Variants in ANKFY1 observed in about 807,000 individuals in gnomAD.
ANKFY1 encodes the protein ankyrin repeat and FYVE domain-containing protein 1.
Under a neutral mutation model 128.3 loss-of-function variants are expected in ANKFY1, and 47 were observed. That is an observed-to-expected ratio of 0.37 (90% CI 0.29 to 0.47). The LOEUF (loss-of-function observed/expected upper bound fraction) is 0.47. Ranked by LOEUF, ANKFY1 falls within the 20% of genes least tolerant of loss-of-function variation. ANKFY1 has a pLI of 1.00. For missense variants in ANKFY1, 1,222 were observed against 1,510.6 expected, an observed-to-expected ratio of 0.81 and a Z score of 3.17; for synonymous variants, 553 against 601.6, an observed-to-expected ratio of 0.92 and a Z score of 1.18.
intron 3 of ANKFY1, among the ~76,000 whole-genome samples, chr17:4,228,923 A>G (rs1297639366): frequency 6.6e-6 from 1 of 152,198 alleles, no homozygotes; most frequent in Non-Finnish European, 1.5e-5. Flanking sequence ...TAGGGTTCAA[A>G]TCCCGGCTCC....
At position 4,184,823 on chromosome 17, in the gene ANKFY1, T is replaced by A; in HGVS notation, c.1694A>T (p.Gln565Leu). The change falls in exon 12 of 25, where the codon CAG (glutamine) becomes CTG (leucine). Residue 565 changes from glutamine to leucine, a missense_variant. Gln to Leu is a moderately radical substitution (Grantham distance 113). Coordinates refer to ENST00000341657, the MANE Select transcript of ANKFY1 (RefSeq NM_001330063.2). ...HPDVVSVILE[Q>L]KANALHATNN... The stretch of plus-strand genomic sequence containing the variant: ...CAGTATTCCCACTTACTTACCTTTC[T>A]GCTCCAGGATGACAGACACCACATC... The A allele has an allele frequency of 6.2e-7, 1 of 1,612,950 alleles. No homozygotes were observed. Among genetic ancestry groups the A allele is most frequent in the Non-Finnish European group, 8.5e-7 (1 of 1,179,966 alleles).
chr17:4,231,115 C>T (rs1037655410), intron 3 of ANKFY1, among the ~76,000 whole-genome samples: 1 of 152,208 alleles, frequency 6.6e-6, no homozygotes, highest in Non-Finnish European at 1.5e-5. Context: ...TTGAGAAACA[C>T]TCTGGCTGAT....
chr17:4,214,096 C>A (rs191239576), intron 4 of ANKFY1, among the ~76,000 whole-genome samples: 1 of 152,210 alleles, frequency 6.6e-6, no homozygotes, highest in Non-Finnish European at 1.5e-5. Context: ...CAGCCTAATA[C>A]ACAGTATGAT....
In ANKFY1 at chr17:4,239,402, C is replaced by T. The variant is rs1263465384; in HGVS notation, c.203+2854G>A. Among the ~76,000 whole-genome samples, 4 of 152,210 alleles carry T rather than the reference C, an allele frequency of 2.6e-5. No individual in the cohort carries two copies. The East Asian group carries it at 7.7e-4, about 29-fold the overall frequency. On this transcript the variant is annotated intron_variant, in intron 2 of 24. Transcript: ENST00000341657. ...GATTATATTTCACAAGAAGCTACAT[C>T]TATTCAATTTATGGAACTATCCTTT... is the stretch of plus-strand genomic sequence containing the variant.
At chr17:4,187,383 C>T (rs1389908550) in intron 11 of ANKFY1, 8 of 397,330 alleles carry the variant, frequency 2.0e-5, no homozygotes, top group South Asian at 2.7e-4. Context: ...CTGGACTCCA[C>T]GGCACACCCA....
intron 3 of ANKFY1, chr17:4,222,675 T>C (rs993214179): frequency 2.3e-6 from 2 of 868,068 alleles, no homozygotes; most frequent in Non-Finnish European, 4.0e-6. Flanking sequence ...AAAATGGCCC[T>C]GACACGCAGC....
In ANKFY1 at chr17:4,181,804, A is replaced by G. The variant is rs771942445; in HGVS notation, c.2121+377T>C. On this transcript the variant is annotated intron_variant, in intron 15 of 24. Coordinates refer to ENST00000341657, the MANE Select transcript of ANKFY1 (RefSeq NM_001330063.2). This position sits in a 1 kb window ranked among gnomAD's most constrained non-coding sequence, Gnocchi z 4.9. Reference sequence around the variant, plus strand: ...AGGCCCTTCGGAGAGCTGAATGAGAATGTGCAGGTTTGCCTCCACTTTTGG... The same window carrying G: ...AGGCCCTTCGGAGAGCTGAATGAGAGTGTGCAGGTTTGCCTCCACTTTTGG... Among the ~76,000 whole-genome samples the G allele has an allele frequency of 1.3e-5, 2 of 152,220 alleles. No homozygotes were observed. Among genetic ancestry groups the G allele is most frequent in the Non-Finnish European group, 2.9e-5 (2 of 68,036 alleles).
At chr17:4,199,136 G>C (rs576715878) in intron 7 of ANKFY1, among the ~76,000 whole-genome samples, 15 of 152,304 alleles carry the variant, frequency 9.8e-5, no homozygotes, top group African/African-American at 3.6e-4. Flanking sequence ...CTCTAGCCTG[G>C]GTGACAGAGA....
In ANKFY1 at chr17:4,202,238, C is replaced by CA. The variant is rs111971493; in HGVS notation, c.898+4082dup. 3.5e-3 allele frequency among the ~76,000 whole-genome samples: 533 copies of CA among 151,234 alleles called. 3 individuals are homozygous for CA. The highest frequency in any genetic ancestry group is 0.012 in the African/African-American group (510 of 41,096). ...GCCAACATGGCAAACCCAATCGCTA[C>CA]AAAAATAGAAAAATTAGCCAAGCGT... On this transcript the variant is annotated intron_variant, in intron 7 of 24. Coordinates refer to ENST00000341657, the MANE Select transcript of ANKFY1 (RefSeq NM_001330063.2).
At chr17:4,195,576 A>C in intron 8 of ANKFY1, 105 bp from the exon 9 acceptor site, 1 of 835,154 alleles carries the variant, frequency 1.2e-6, no homozygotes, top group Non-Finnish European at 2.0e-6. Flanking sequence ...CCCGCAAGAA[A>C]TCCCACATTT....
intron 5 of ANKFY1, among the ~76,000 whole-genome samples, chr17:4,208,689 C>A (rs957555734): frequency 2.0e-5 from 3 of 152,176 alleles, no homozygotes; most frequent in African/African-American, 4.8e-5. Context: ...GAATACCAAA[C>A]AATTCGCAGA....
intron 20 of ANKFY1, 127 bp from the exon 21 acceptor site, chr17:4,173,571 G>C (rs1164763193): frequency 1.2e-6 from 1 of 865,562 alleles, no homozygotes; most frequent in Admixed American, 2.0e-5. Flanking sequence ...CACGCACAGA[G>C]CCATCCTTTC....
rs2059633237 is a variant in ANKFY1, at chr17:4,187,522, C to A, written c.1470+1860G>T. ...ACACAGCGGAAGCCAGTGTTCCAGG[C>A]CCTTCTGCAGTGCTGGTCTCCAGTG... is the stretch of plus-strand genomic sequence containing the variant. On this transcript the variant is annotated intron_variant, in intron 11 of 24. Transcript: ENST00000341657. 5 of 366,396 alleles carry A rather than the reference C, an allele frequency of 1.4e-5. No individual in the cohort carries two copies. The East Asian group carries it at 1.6e-4, about 12-fold the overall frequency. 22.7% of individuals were successfully genotyped at this position (366,396 alleles called of 1,614,324 possible).
rs2059454206 is a variant in ANKFY1, at chr17:4,178,772, C to T, written c.2598+85G>A. ...AAACAAAGCTCTTTCCATGAGGAGA[C>T]CTGTTTAGTCGGTGACATCTGTCTA... On this transcript the variant is annotated intron_variant, in intron 18 of 24. Coordinates refer to ENST00000341657, the MANE Select transcript of ANKFY1 (RefSeq NM_001330063.2). The surrounding 1 kb of genome is among the most constrained non-coding windows in gnomAD (Gnocchi z 4.1). 3.8e-6 allele frequency: 5 copies of T among 1,320,626 alleles called. No individual in the cohort carries two copies. Among genetic ancestry groups the T allele is most frequent in the Non-Finnish European group, 5.4e-6 (5 of 929,254 alleles). The allele number at this position is 1,320,626 out of a possible 1,614,324, so 81.8% of individuals were successfully genotyped here.
intron 19 of ANKFY1, 105 bp downstream of exon 19, chr17:4,177,021 G>T: frequency 8.1e-7 from 1 of 1,228,672 alleles, no homozygotes; most frequent in South Asian, 2.2e-5. Context: ...AATTCCCCAG[G>T]TGCTTTCACA....
rs138082931 is a variant in ANKFY1, at chr17:4,227,062, A to G, written c.322+8710T>C. Among the ~76,000 whole-genome samples the G allele has an allele frequency of 2.4e-4, 37 of 152,342 alleles. No individual in the cohort carries two copies. In the East Asian group the frequency reaches 6.9e-3, roughly 29 times the overall value. On this transcript the variant is annotated intron_variant, in intron 3 of 24. Coordinates refer to ENST00000341657, the MANE Select transcript of ANKFY1 (RefSeq NM_001330063.2). Reference sequence around the variant, plus strand: ...ATAGACCTATATCTATACAAAATACATATTTTAAAAATTTGTTTTCAAAAA... The same window carrying G: ...ATAGACCTATATCTATACAAAATACGTATTTTAAAAATTTGTTTTCAAAAA...
At position 4,172,552 on chromosome 17, in the gene ANKFY1, A is replaced by C; in HGVS notation, c.3139+4T>G. ...ACGGGACATACCCAGCCCTTGGTAC[A>C]CACCCGTGCTGCCGTCTGCATCCGG... is the stretch of plus-strand genomic sequence containing the variant. On this transcript the variant is annotated splice_donor_region_variant and intron_variant, in intron 22 of 24. Coordinates refer to ENST00000341657, the MANE Select transcript of ANKFY1 (RefSeq NM_001330063.2). 6.2e-7 allele frequency: 1 copy of C among 1,613,202 alleles called. No homozygotes were observed. Among genetic ancestry groups the C allele is most frequent in the Non-Finnish European group, 8.5e-7 (1 of 1,179,568 alleles).
intron 7 of ANKFY1, 84 bp from the exon 8 acceptor site, chr17:4,197,661 C>T (rs189249300): frequency 2.3e-6 from 3 of 1,294,290 alleles, no homozygotes; most frequent in African/African-American, 2.9e-5. Flanking sequence ...AAAATGACTG[C>T]AGACAAAGGA....
rs962834872 is a variant in ANKFY1 at position 4,189,412 on chromosome 17, G to A, written c.1440C>T (p.Asn480=). Residue 480 remains asparagine, a synonymous_variant, in exon 11 of 25, where the codon AAC becomes AAT. Coordinates refer to ENST00000341657, the MANE Select transcript of ANKFY1 (RefSeq NM_001330063.2). ...TGTTTCTGTGGTTGACATGGGCACC[G>A]TTGGTTGCCAGGAAAAGAGCTGCTG... ...NEAAALFLAT[N]GAHVNHRNKW... The A allele has an allele frequency of 5.0e-6, 8 of 1,590,912 alleles. No homozygotes were observed. The highest frequency in any genetic ancestry group is 3.4e-5 in the Admixed American group (2 of 58,138).
Sources: gnomAD v4.1 joint callset for allele counts (sites outside exome capture counted in the v4.1 genomes callset) on GRCh38, gnomAD v4.1.1 for gene constraint, Gnocchi (gnomAD v3.1) non-coding constraint, MANE v1.5 for transcripts, NCBI Gene and HGNC (gene_info 2026-07-23, HGNC 2026-07-21) for gene names.